Variants in RPN2 observed in about 807,000 individuals in gnomAD.
RPN2 encodes the protein dolichyl-diphosphooligosaccharide--protein glycosyltransferase subunit 2.
A neutral mutation model predicts 71.4 loss-of-function variants in RPN2; 29 were observed. That is an observed-to-expected ratio of 0.41 (90% CI 0.30 to 0.55). The LOEUF is 0.55. Among genes scored for constraint, RPN2 ranks in the 20% least tolerant of loss-of-function variants. RPN2 has a pLI of 0.35. For missense variants in RPN2, 726 were observed against 774.1 expected, an observed-to-expected ratio of 0.94 and a Z score of 0.74; for synonymous variants, 308 against 305.0, an observed-to-expected ratio of 1.01 and a Z score of -0.10.
intron 16 of RPN2, among the ~76,000 whole-genome samples, chr20:37,239,634 T>C (rs930682737): frequency 6.6e-6 from 1 of 152,160 alleles, no homozygotes; most frequent in African/African-American, 2.4e-5. Context: ...TTGTAATTTA[T>C]CTGCAGAAAA....
At chr20:37,183,405 G>A (rs6017451) in intron 1 of RPN2, among the ~76,000 whole-genome samples, 63,980 of 151,792 alleles carry the variant, frequency 0.42, 14,972 homozygotes, top group African/African-American at 0.61. Flanking sequence ...TTTAGTAGAG[G>A]CGGGGTTTCA....
intron 4 of RPN2, among the ~76,000 whole-genome samples, chr20:37,201,096 C>G (rs1180587354): frequency 6.6e-6 from 1 of 151,292 alleles, no homozygotes; most frequent in Admixed American, 6.6e-5. Context: ...ATCAAAGCAA[C>G]TGACAGGATT....
At chr20:37,221,978 A>G (rs758985858) in intron 9 of RPN2, among the ~76,000 whole-genome samples, 6 of 152,244 alleles carry the variant, frequency 3.9e-5, no homozygotes, top group Admixed American at 1.3e-4. Context: ...CCATCTCTGT[A>G]TATTCCCTGA....
At position 37,179,382 on chromosome 20, in the gene RPN2, G is replaced by C. The variant is rs752600317; in HGVS notation, c.13+13G>C. 6.6e-7 allele frequency: 1 copy of C among 1,504,150 alleles called. No homozygotes were observed. 93.2% of individuals were successfully genotyped at this position (1,504,150 alleles called of 1,614,324 possible). A position where few individuals can be genotyped will look rare whatever the true frequency, so the allele number is the denominator to read the frequency against. On this transcript the variant is annotated intron_variant, in intron 1 of 16. Coordinates refer to ENST00000237530, the MANE Select transcript of RPN2 (RefSeq NM_002951.5). ...ATGGCGCCGCCGGGTGAGGAGTTGCGCGTGGCTTTGGGGAGAGGGCTGTCG... is the reference window on the plus strand; with the variant it reads ...ATGGCGCCGCCGGGTGAGGAGTTGCCCGTGGCTTTGGGGAGAGGGCTGTCG...
chr20:37,203,110 AGAT>A (rs1204179744), intron 4 of RPN2, among the ~76,000 whole-genome samples: 1 of 152,116 alleles, frequency 6.6e-6, no homozygotes, highest in African/African-American at 2.4e-5. Flanking sequence ...TTTTTTGTAA[AGAT>A]GAGGTCTCAC....
At chr20:37,217,304 T>TTATTATTC (rs564725876) in intron 9 of RPN2, among the ~76,000 whole-genome samples, 95 of 144,136 alleles carry the variant, frequency 6.6e-4, no homozygotes, top group African/African-American at 2.3e-3. Context: ...TATTATTCTT[T>TTATTATTC]TTTTTTTGAA....
chr20:37,194,481 C>T (rs1286787415), intron 2 of RPN2, among the ~76,000 whole-genome samples: 2 of 152,172 alleles, frequency 1.3e-5, no homozygotes, highest in East Asian at 1.9e-4. Flanking sequence ...AGGCTGGTCT[C>T]GAACTCCTGA....
chr20:37,227,058 C>T (rs1363879312), intron 11 of RPN2, among the ~76,000 whole-genome samples: 1 of 152,170 alleles, frequency 6.6e-6, no homozygotes, highest in South Asian at 2.1e-4. Flanking sequence ...GACTTGTGCC[C>T]CAGGAGCACG....
At chr20:37,237,895 G>T (rs140186737) in intron 16 of RPN2, among the ~76,000 whole-genome samples, 55 of 152,148 alleles carry the variant, frequency 3.6e-4, no homozygotes, top group Admixed American at 3.1e-3. Flanking sequence ...TTGCTCACTC[G>T]AGAAGAATGA....
intron 14 of RPN2, among the ~76,000 whole-genome samples, chr20:37,232,792 G>C (rs1340384876): frequency 6.6e-6 from 1 of 152,208 alleles, no homozygotes; most frequent in Non-Finnish European, 1.5e-5. Flanking sequence ...AAGTTCATAA[G>C]ATGGAATAAT....
intron 4 of RPN2, among the ~76,000 whole-genome samples, chr20:37,200,846 C>T (rs74452726): frequency 0.012 from 1,876 of 152,218 alleles, 37 homozygotes; most frequent in African/African-American, 0.043. Flanking sequence ...CTGTTAGTGC[C>T]TGTGCCTTAC....
chr20:37,194,775 G>T (rs1051878601), intron 2 of RPN2, among the ~76,000 whole-genome samples: 1 of 152,168 alleles, frequency 6.6e-6, no homozygotes, highest in Admixed American at 6.5e-5. Flanking sequence ...GGAAAAGCGG[G>T]CCTGGTTAGA....
chr20:37,204,725 C>T (rs1162631123), intron 5 of RPN2, 42 bp from the exon 6 acceptor site: 1 of 1,613,146 alleles, frequency 6.2e-7, no homozygotes, highest in Non-Finnish European at 8.5e-7. Flanking sequence ...CTCATTTCTG[C>T]TGTTACTTGA....
At chr20:37,238,916 A>G (rs995116760) in intron 16 of RPN2, 2 of 471,326 alleles carry the variant, frequency 4.2e-6, no homozygotes, top group Non-Finnish European at 8.6e-6. Context: ...GTCTGGGGAG[A>G]CTGTAATTTA....
intron 11 of RPN2, among the ~76,000 whole-genome samples, chr20:37,227,579 G>T (rs1287711740): frequency 6.6e-6 from 1 of 152,224 alleles, no homozygotes; most frequent in Non-Finnish European, 1.5e-5. Context: ...TTCAGGTATA[G>T]ATTAACACAT....
intron 4 of RPN2, among the ~76,000 whole-genome samples, chr20:37,203,615 T>C (rs1275845684): frequency 2.0e-5 from 3 of 152,214 alleles, no homozygotes. Flanking sequence ...ATGCTGGGAT[T>C]ACGGGCGTGA....
chr20:37,185,852 G>A (rs1322506747), intron 2 of RPN2, among the ~76,000 whole-genome samples: 6 of 152,218 alleles, frequency 3.9e-5, no homozygotes, highest in South Asian at 2.1e-4. Flanking sequence ...CCTCTGCTTA[G>A]TGTCTCCTGA....
chr20:37,195,942 C>G (rs1438907458), intron 2 of RPN2, among the ~76,000 whole-genome samples: 1 of 152,114 alleles, frequency 6.6e-6, no homozygotes, highest in Non-Finnish European at 1.5e-5. Context: ...TAAAAAAATG[C>G]TTTGGTTGGA....
intron 9 of RPN2, 24 bp downstream of exon 9, chr20:37,213,889 A>G: frequency 1.3e-6 from 2 of 1,542,132 alleles, no homozygotes; most frequent in Admixed American, 1.7e-5. Flanking sequence ...TTTCCTTCCC[A>G]TTGCCATGTT....
Sources: allele counts gnomAD v4.1 joint callset (sites outside exome capture counted in the v4.1 genomes callset), GRCh38; gene constraint gnomAD v4.1.1; transcripts MANE v1.5; gene names NCBI Gene and HGNC (gene_info 2026-07-23, HGNC 2026-07-21).